LAP3: variants seen among roughly 807,000 people sequenced by gnomAD.
LAP3 encodes leucine aminopeptidase 3, also known as cytosol aminopeptidase.
A neutral mutation model predicts 58.8 loss-of-function variants in LAP3; 46 were observed. The ratio of observed to expected loss-of-function variants is 0.78; its 90% CI spans 0.62 to 1.00. LAP3 has a LOEUF of 1.00. Among genes scored for constraint, LAP3 ranks in the 50% least tolerant of loss-of-function variants. The probability of loss-of-function intolerance (pLI) is 0.00; values close to 1 mark genes in which losing one functional copy is unlikely to be tolerated. For synonymous variants in LAP3, 257 were observed against 237.7 expected, an observed-to-expected ratio of 1.08 and a Z score of -0.75; for missense variants, 615 against 659.1, an observed-to-expected ratio of 0.93 and a Z score of 0.73.
chr4:17,592,473 G>A (rs775028827), intron 7 of LAP3, among the ~76,000 whole-genome samples: 6 of 152,172 alleles, frequency 3.9e-5, no homozygotes, highest in Admixed American at 2.0e-4. Context: ...TCTATTGGTG[G>A]AAATTTGTGT....
intron 10 of LAP3, among the ~76,000 whole-genome samples, chr4:17,604,143 G>A (rs1192359751): frequency 6.6e-6 from 1 of 151,982 alleles, no homozygotes. Context: ...GTGGCAGCAT[G>A]TACCTGTAAT....
In LAP3 at chr4:17,580,165, C is replaced by CATATAT. The variant is rs372439585; in HGVS notation, c.218+237_218+242dup. ...GGCATGCCTCACCACTCCCGGCTTT[C>CATATAT]ATATATATATATATATGTATTTTTT... On this transcript the variant is annotated intron_variant, in intron 2 of 12. Transcript: ENST00000226299. 1.9e-3 allele frequency among the ~76,000 whole-genome samples: 89 copies of CATATAT among 45,984 alleles called. 26 individuals are homozygous for CATATAT. Among genetic ancestry groups the CATATAT allele is most frequent in the African/African-American group, 0.011 (85 of 7,832 alleles). The allele number at this position is 45,984 out of a possible 152,430, so 30.2% of individuals were successfully genotyped here.
At chr4:17,603,882 A>G (rs569398610) in intron 10 of LAP3, among the ~76,000 whole-genome samples, 1 of 147,552 alleles carries the variant, frequency 6.8e-6, no homozygotes, top group South Asian at 2.1e-4. Flanking sequence ...GCTGGAGTGC[A>G]ATGGCATGAT....
At position 17,580,165 on chromosome 4, in the gene LAP3, CATAT is replaced by C. The variant is rs372439585; in HGVS notation, c.218+239_218+242del. 9.6e-4 allele frequency among the ~76,000 whole-genome samples: 44 copies of C among 45,994 alleles called. 4 individuals carry two copies. The highest frequency in any genetic ancestry group is 5.6e-3 in the African/African-American group (44 of 7,832). 30.2% of individuals were successfully genotyped at this position (45,994 alleles called of 152,430 possible). A position where few individuals can be genotyped will look rare whatever the true frequency, so the allele number is the denominator to read the frequency against. Reference sequence around the variant, plus strand: ...GGCATGCCTCACCACTCCCGGCTTTCATATATATATATATATGTATTTTTTTTTT... The same window carrying C: ...GGCATGCCTCACCACTCCCGGCTTTCATATATATATATGTATTTTTTTTTT... On this transcript the variant is annotated intron_variant, in intron 2 of 12. Coordinates refer to ENST00000226299, the MANE Select transcript of LAP3 (RefSeq NM_015907.3).
intron 10 of LAP3, among the ~76,000 whole-genome samples, chr4:17,601,385 C>G (rs181961912): frequency 3.4e-4 from 52 of 152,224 alleles, no homozygotes; most frequent in Admixed American, 1.1e-3. Flanking sequence ...ATACTTATGT[C>G]TGCCATTTTT....
rs1713887488 is a variant in LAP3 at position 17,598,483 on chromosome 4, C to G, written c.1105C>G (p.Leu369Val). The change falls in exon 10 of 13, where the codon CTC becomes GTC. Residue 369 changes from leucine to valine, a missense_variant. Physicochemically the swap from Leu to Val is conservative, Grantham distance 32 (BLOSUM62 1). Coordinates refer to ENST00000226299, the MANE Select transcript of LAP3 (RefSeq NM_015907.3). ...QVDNTDAEGRLILADALCYAH... is the reference protein window; with the variant it reads ...QVDNTDAEGRVILADALCYAH... ...TGATAACACTGATGCTGAGGGGAGG[C>G]TCATACTGGCTGATGCGCTCTGTTA... is the stretch of plus-strand genomic sequence containing the variant. 1 of 1,613,964 alleles carries G rather than the reference C, an allele frequency of 6.2e-7. No homozygotes were observed. The highest frequency in any genetic ancestry group is 1.1e-5 in the South Asian group (1 of 91,088).
In LAP3 at chr4:17,606,825, C is replaced by T. The variant is rs760963451; in HGVS notation, c.1261-4C>T. ...CTCTTCCACCTGTCATACCTGTTCT[C>T]TAGGCCAGCATTGAAACAGGGGACC... On this transcript the variant is annotated splice_polypyrimidine_tract_variant and splice_region_variant and intron_variant, in intron 11 of 12. Transcript: ENST00000226299. The T allele has an allele frequency of 2.0e-5, 32 of 1,606,622 alleles. No individual in the cohort carries two copies. The highest frequency in any genetic ancestry group is 2.1e-4 in the Middle Eastern group (1 of 4,828).
rs766747319 is a variant in LAP3 at position 17,595,494 on chromosome 4, C to T, written c.948C>T (p.Ile316=). The T allele has an allele frequency of 6.2e-6, 10 of 1,613,848 alleles. No individual in the cohort carries two copies. Among genetic ancestry groups the T allele is most frequent in the Middle Eastern group, 1.6e-4 (1 of 6,082 alleles). Reference sequence around the variant, plus strand: ...GAGCTGCAACTATATGCTCAGCCATCGTGTCTGCTGCAAAGCTTAATTTGC... The same window carrying T: ...GAGCTGCAACTATATGCTCAGCCATTGTGTCTGCTGCAAAGCTTAATTTGC... ...MGGAATICSA[I]VSAAKLNLPI... The change falls in exon 8 of 13, where the codon ATC becomes ATT. Residue 316 remains isoleucine, a synonymous_variant. Transcript: ENST00000226299.
At chr4:17,596,899 T>G in intron 8 of LAP3, 147 bp from the exon 9 acceptor site, 1 of 656,448 alleles carries the variant, frequency 1.5e-6, no homozygotes, top group Middle Eastern at 2.6e-4. Context: ...TCATGTCAGT[T>G]GTGTCATTGG....
intron 11 of LAP3, among the ~76,000 whole-genome samples, chr4:17,605,527 G>C (rs1440284696): frequency 2.6e-5 from 4 of 152,218 alleles, no homozygotes; most frequent in Non-Finnish European, 5.9e-5. Context: ...TAATTAATGG[G>C]AGCTTACTCT....
intron 7 of LAP3, among the ~76,000 whole-genome samples, chr4:17,590,518 A>T (rs535552196): frequency 6.6e-6 from 1 of 152,298 alleles, no homozygotes; most frequent in Admixed American, 6.5e-5. Context: ...GAAAATATGC[A>T]TGCTTTTTTA....
chr4:17,580,186 T>TATATATATATATATATGTA (rs58358985), intron 2 of LAP3, among the ~76,000 whole-genome samples: 7 of 30,202 alleles, frequency 2.3e-4, no homozygotes, highest in African/African-American at 1.4e-3. Context: ...ATATATGTAT[T>TATATATATATATATATGTA]TTTTTTTTTT....
chr4:17,597,006 C>T (rs1196600366), intron 8 of LAP3, 40 bp from the exon 9 acceptor site: 2 of 1,588,586 alleles, frequency 1.3e-6, no homozygotes, highest in South Asian at 2.2e-5. Context: ...ATGTTTGGAC[C>T]CAGTATATAC....
At chr4:17,595,587 G>A (rs1713809848) in intron 8 of LAP3, 53 bp downstream of exon 8, 1 of 1,577,324 alleles carries the variant, frequency 6.3e-7, no homozygotes, top group African/African-American at 1.3e-5. Context: ...CTAGCCAGGT[G>A]GGAGAAGAGA....
At chr4:17,581,323 G>C (rs1051739631) in intron 2 of LAP3, among the ~76,000 whole-genome samples, 8 of 152,218 alleles carry the variant, frequency 5.3e-5, no homozygotes, top group African/African-American at 1.9e-4. Context: ...CAGATGCCTT[G>C]TGCAGCTGTA....
At chr4:17,582,530 A>G in intron 4 of LAP3, 137 bp downstream of exon 4, 2 of 661,332 alleles carry the variant, frequency 3.0e-6, no homozygotes, top group Non-Finnish European at 5.3e-6. Context: ...ACAAAAATTC[A>G]GTTCCTCTTG....
intron 8 of LAP3, among the ~76,000 whole-genome samples, chr4:17,596,297 G>C (rs1462800651): frequency 6.6e-6 from 1 of 152,088 alleles, no homozygotes; most frequent in Non-Finnish European, 1.5e-5. Context: ...TTCCAGTTGT[G>C]TAAAAAATGT....
At chr4:17,582,977 A>T (rs1713403495) in intron 4 of LAP3, among the ~76,000 whole-genome samples, 1 of 152,238 alleles carries the variant, frequency 6.6e-6, no homozygotes, top group South Asian at 2.1e-4. Flanking sequence ...TATATTATAA[A>T]TGCTCATTAA....
Position 17,607,491 on chromosome 4 carries a change from A to G in LAP3, c.1462A>G (p.Asn488Asp). ...TTTAGACATAGCAGGCGTGATGACCAACAAAGATGAAGTTCCCTATCTACG... is the reference window on the plus strand; with the variant it reads ...TTTAGACATAGCAGGCGTGATGACCGACAAAGATGAAGTTCCCTATCTACG... The part of the protein sequence containing the change: ...AHLDIAGVMT[N>D]KDEVPYLRKG... Residue 488 changes from asparagine (N) to aspartate (D), a missense_variant, in exon 13 of 13, where the codon AAC becomes GAC. Coordinates refer to ENST00000226299, the MANE Select transcript of LAP3 (RefSeq NM_015907.3). 6.2e-7 allele frequency: 1 copy of G among 1,614,166 alleles called. No individual in the cohort carries two copies. Among genetic ancestry groups the G allele is most frequent in the African/African-American group, 1.3e-5 (1 of 75,050 alleles).
Sources: allele counts gnomAD v4.1 joint callset (sites outside exome capture counted in the v4.1 genomes callset), GRCh38; gene constraint gnomAD v4.1.1; transcripts MANE v1.5; gene names NCBI Gene and HGNC (gene_info 2026-07-23, HGNC 2026-07-21).